Variants in NIPBL observed in about 807,000 individuals in gnomAD.
NIPBL encodes the protein nipped-B-like protein.
A neutral mutation model predicts 321.8 loss-of-function variants in NIPBL; 19 were observed. The observed-to-expected ratio is 0.06, with a 90% CI of 0.04 to 0.09. The LOEUF is 0.09. NIPBL is among the 10% of genes least tolerant of loss of function. The probability of loss-of-function intolerance (pLI) is 1.00; values close to 1 mark genes in which losing one functional copy is unlikely to be tolerated. For synonymous variants in NIPBL, 1,106 were observed against 1,114.1 expected (o/e 0.99, Z 0.14); for missense variants, 2,210 against 3,327.0 (o/e 0.66, Z 8.26).
Position 36,962,302 on chromosome 5 carries a change from G to A in NIPBL, c.610+28G>A, listed in dbSNP as rs372095079. 41 of 1,612,396 alleles carry A rather than the reference G, an allele frequency of 2.5e-5. No individual in the cohort carries two copies. The African/African-American group carries it at 4.8e-4, about 19-fold the overall frequency. On this transcript the variant is annotated intron_variant, in intron 6 of 46. Transcript: ENST00000282516. ...AAGAAAGTTGTTTGTAACTTCACTG[G>A]GAATGTCTAAGTGCTTTAATTCCAA...
intron 31 of NIPBL, 82 bp downstream of exon 31, chr5:37,026,409 A>C: frequency 1.3e-6 from 1 of 784,626 alleles, no homozygotes; most frequent in South Asian, 1.4e-5. Flanking sequence ...GGAAGAGACA[A>C]TAATGAGATA....
chr5:36,896,631 G>T (rs1011747909), intron 1 of NIPBL, among the ~76,000 whole-genome samples: 1 of 152,018 alleles, frequency 6.6e-6, no homozygotes, highest in Non-Finnish European at 1.5e-5. Context: ...ACAAACTCTC[G>T]CTATATGGCC....
intron 1 of NIPBL, among the ~76,000 whole-genome samples, chr5:36,946,124 G>T (rs1354579117): frequency 6.6e-6 from 1 of 151,822 alleles, no homozygotes; most frequent in African/African-American, 2.4e-5. Context: ...TGAGCAAAGG[G>T]CAAGGAGAAC....
intron 21 of NIPBL, among the ~76,000 whole-genome samples, chr5:37,014,332 C>G (rs1019851916): frequency 2.0e-5 from 3 of 151,754 alleles, no homozygotes; most frequent in Non-Finnish European, 4.4e-5. Context: ...TTATATGTTT[C>G]TTAAACTTTG....
In NIPBL at chr5:36,958,224, A is replaced by G; in HGVS notation, c.351A>G (p.Val117=). 2 of 1,613,622 alleles carry G rather than the reference A, an allele frequency of 1.2e-6. No individual in the cohort carries two copies. Among genetic ancestry groups the G allele is most frequent in the East Asian group, 2.2e-5 (1 of 44,856 alleles). ...FREKSMQNRY[V]QSGMMMSQYK... is the part of the protein sequence containing the mutation. Reference sequence around the variant, plus strand: ...AGAAAAGCATGCAGAACAGATATGTACAAAGTGGTGAGTTTCTTAATAACT... The same window carrying G: ...AGAAAAGCATGCAGAACAGATATGTGCAAAGTGGTGAGTTTCTTAATAACT... The change falls in exon 4 of 47, where the codon GTA becomes GTG. Residue 117 remains valine (V), a synonymous_variant. Transcript: ENST00000282516.
intron 1 of NIPBL, among the ~76,000 whole-genome samples, chr5:36,879,741 C>T (rs1439276634): frequency 6.6e-6 from 1 of 151,994 alleles, no homozygotes; most frequent in Non-Finnish European, 1.5e-5. Flanking sequence ...TTCTCATACA[C>T]CTAAAGGAAA....
chr5:36,966,168 T>C (rs539519021), intron 6 of NIPBL, among the ~76,000 whole-genome samples: 23 of 152,270 alleles, frequency 1.5e-4, no homozygotes, highest in Non-Finnish European at 2.2e-4. Context: ...TGTTCAAATC[T>C]AGCTTTTCAC....
At chr5:36,877,489 G>T (rs1745178652) in intron 1 of NIPBL, among the ~76,000 whole-genome samples, 1 of 152,234 alleles carries the variant, frequency 6.6e-6, no homozygotes, top group Non-Finnish European at 1.5e-5. Flanking sequence ...AGAGCTCCGG[G>T]CTGAGCGGAG....
intron 9 of NIPBL, among the ~76,000 whole-genome samples, chr5:36,981,546 CT>C (rs1256352667): frequency 1.3e-5 from 2 of 151,652 alleles, no homozygotes; most frequent in African/African-American, 4.8e-5. Flanking sequence ...TTTTCTCAAT[CT>C]TTTTGCTCAT....
intron 36 of NIPBL, 45 bp downstream of exon 36, chr5:37,044,774 C>T (rs770963759): frequency 7.5e-7 from 1 of 1,326,520 alleles, no homozygotes; most frequent in Non-Finnish European, 1.1e-6. Flanking sequence ...CTAGGTCCTG[C>T]AGGGGGTCAG....
chr5:36,978,895 T>C (rs1270710004), intron 9 of NIPBL, among the ~76,000 whole-genome samples: 1 of 151,960 alleles, frequency 6.6e-6, no homozygotes, highest in Admixed American at 6.6e-5. Context: ...ATCAGTTGTT[T>C]TTAGGTATGT....
chr5:37,013,307 C>A (rs939350510), intron 21 of NIPBL, among the ~76,000 whole-genome samples: 2 of 150,818 alleles, frequency 1.3e-5, no homozygotes, highest in African/African-American at 2.4e-5. Context: ...CTGACCCCCC[C>A]ACCTCCCTCC....
intron 8 of NIPBL, among the ~76,000 whole-genome samples, chr5:36,972,807 CCTGTT>C (rs777508791): frequency 2.1e-5 from 2 of 96,398 alleles, no homozygotes; most frequent in Non-Finnish European, 3.7e-5. Flanking sequence ...TCAAATCTAA[CCTGTT>C]CTGTTAATTT....
chr5:36,929,253 G>A (rs1749595082), intron 1 of NIPBL, among the ~76,000 whole-genome samples: 1 of 152,068 alleles, frequency 6.6e-6, no homozygotes, highest in African/African-American at 2.4e-5. Context: ...AATGACTAAT[G>A]ATACTGAGCA....
chr5:36,941,133 A>G (rs903945726), intron 1 of NIPBL, among the ~76,000 whole-genome samples: 1 of 152,170 alleles, frequency 6.6e-6, no homozygotes, highest in Admixed American at 6.6e-5. Flanking sequence ...TAATCACTTA[A>G]TAAGTTTCAT....
At chr5:36,907,252 C>T (rs1020738576) in intron 1 of NIPBL, among the ~76,000 whole-genome samples, 3 of 152,040 alleles carry the variant, frequency 2.0e-5, no homozygotes, top group South Asian at 2.1e-4. Flanking sequence ...TTAGTTGTTG[C>T]GATGTCTTTA....
At chr5:36,886,339 A>G (rs1580144148) in intron 1 of NIPBL, 2 of 697,692 alleles carry the variant, frequency 2.9e-6, no homozygotes, top group South Asian at 2.9e-5. Flanking sequence ...TGAGAGCGCC[A>G]CCTGCCACCG....
chr5:36,928,712 A>G (rs1749550516), intron 1 of NIPBL, among the ~76,000 whole-genome samples: 2 of 152,156 alleles, frequency 1.3e-5, no homozygotes, highest in African/African-American at 2.4e-5. Flanking sequence ...CCTGGCAACT[A>G]CTGATCTGCT....
At position 37,014,684 on chromosome 5, in the gene NIPBL, T is replaced by G. The variant is rs1299639167; in HGVS notation, c.4562T>G (p.Ile1521Ser). 1.9e-6 allele frequency: 3 copies of G among 1,593,424 alleles called. No homozygotes were observed. The South Asian group carries it at 3.3e-5, about 18-fold the overall frequency. The change falls in exon 22 of 47, where the codon ATT (isoleucine) becomes AGT (serine). Residue 1521 changes from isoleucine (I) to serine (S), a missense_variant and splice_region_variant. Transcript: ENST00000282516. ...SNAEEDSNKK[I>S]DQDVVITNSY... ...TAAACTCACTTTTTTTCATTCTAGA[T>G]TGACCAGGATGTTGTCATTACTAAC... is the stretch of plus-strand genomic sequence containing the variant.
Sources: allele counts gnomAD v4.1 joint callset (sites outside exome capture counted in the v4.1 genomes callset), GRCh38; gene constraint gnomAD v4.1.1; transcripts MANE v1.5; gene names NCBI Gene and HGNC (gene_info 2026-07-23, HGNC 2026-07-21).